MARCHF3: variants seen among roughly 807,000 people sequenced by gnomAD.
MARCHF3 encodes membrane associated ring-CH-type finger 3, also known as E3 ubiquitin-protein ligase MARCHF3.
In MARCHF3, 13 loss-of-function variants were observed where a neutral mutation model predicts 24.2. That is an observed-to-expected ratio of 0.54 (90% CI 0.35 to 0.85). The LOEUF is 0.85. MARCHF3 is among the 40% of genes least tolerant of loss of function. The probability of loss-of-function intolerance (pLI) is 0.01; values close to 1 mark genes in which losing one functional copy is unlikely to be tolerated. For missense variants in MARCHF3, 276 were observed against 325.0 expected, an observed-to-expected ratio of 0.85 and a Z score of 1.16; for synonymous variants, 144 against 137.3, an observed-to-expected ratio of 1.05 and a Z score of -0.34.
In MARCHF3 at chr5:126,927,894, T is replaced by C. The variant is rs77941799; in HGVS notation, c.-56-9667A>G. The stretch of plus-strand genomic sequence containing the variant: ...TGATAGAAACAAAAACAACTTTATA[T>C]TGAGACTGAATTAAATTATTATCCA... On this transcript the variant is annotated intron_variant, in intron 1 of 4. Transcript: ENST00000308660. Among the ~76,000 whole-genome samples, 859 of 152,282 alleles carry C rather than the reference T, an allele frequency of 5.6e-3. 11 individuals carry two copies. Among genetic ancestry groups the C allele is most frequent in the African/African-American group, 0.02 (825 of 41,556 alleles).
intron 3 of MARCHF3, among the ~76,000 whole-genome samples, chr5:126,887,365 TACAA>T (rs1753542233): frequency 6.6e-6 from 1 of 152,258 alleles, no homozygotes; most frequent in South Asian, 2.1e-4. Flanking sequence ...TTGTCACCAG[TACAA>T]ACAGAAATAC....
chr5:126,953,413 T>G (rs1014353787), intron 1 of MARCHF3, among the ~76,000 whole-genome samples: 3 of 152,172 alleles, frequency 2.0e-5, no homozygotes, highest in Non-Finnish European at 2.9e-5. Context: ...TTCTCTCTTT[T>G]GGGTTCCCTG....
rs562872914 is a variant in MARCHF3 at position 126,982,110 on chromosome 5, T to G, written c.-57+48240A>C. Among the ~76,000 whole-genome samples, 10 of 152,312 alleles carry G rather than the reference T, an allele frequency of 6.6e-5. No homozygotes were observed. The South Asian group carries it at 1.7e-3, about 25-fold the overall frequency. ...CAACTCAAAGATCATGAAACCTGGT[T>G]CCGCTGTCCAAACATTTACTTCTGT... On this transcript the variant is annotated intron_variant, in intron 1 of 4. Transcript: ENST00000308660.
intron 1 of MARCHF3, among the ~76,000 whole-genome samples, chr5:126,963,443 A>C (rs1750708160): frequency 6.6e-6 from 1 of 152,200 alleles, no homozygotes; most frequent in East Asian, 1.9e-4. Flanking sequence ...CAACATTTTC[A>C]AGGAGAAAAA....
At chr5:126,950,826 G>A (rs1750206697) in intron 1 of MARCHF3, among the ~76,000 whole-genome samples, 1 of 152,116 alleles carries the variant, frequency 6.6e-6, no homozygotes, top group Non-Finnish European at 1.5e-5. Context: ...TGAAATAGAA[G>A]GCTTTTCCAT....
At chr5:126,977,094 A>G (rs1263158679) in intron 1 of MARCHF3, among the ~76,000 whole-genome samples, 2 of 152,250 alleles carry the variant, frequency 1.3e-5, no homozygotes, top group East Asian at 3.8e-4. Context: ...ACATGACTGA[A>G]GGCAGAGCTC....
intron 1 of MARCHF3, among the ~76,000 whole-genome samples, chr5:126,934,640 T>C (rs1749583500): frequency 6.6e-6 from 1 of 151,356 alleles, no homozygotes; most frequent in Non-Finnish European, 1.5e-5. Flanking sequence ...TAAGTTGGTA[T>C]GGAGAATATT....
chr5:126,869,869 C>CTGGATAATAAATAAAATAA lies in MARCHF3; in HGVS notation c.*763_*764insTTATTTTATTTATTATCCA. ...TGCAATCAGTGGGTTTTGTCTTTCA[C>CTGGATAATAAATAAAATAA]ACACTGGATGTTTATTATTAGAAAA... On this transcript the variant is annotated 3_prime_UTR_variant, in exon 5 of 5. Transcript: ENST00000308660. 6.6e-6 allele frequency: 1 copy of CTGGATAATAAATAAAATAA among 152,442 alleles called. No homozygotes were observed. The allele number at this position is 152,442 out of a possible 1,614,324, so 9.4% of individuals were successfully genotyped here.
At chr5:127,014,053 G>A (rs1398414328) in intron 1 of MARCHF3, among the ~76,000 whole-genome samples, 3 of 152,128 alleles carry the variant, frequency 2.0e-5, no homozygotes, top group South Asian at 2.1e-4. Context: ...AAGTAAATGG[G>A]ATTACATAAA....
chr5:127,021,563 T>C (rs1422567538), intron 1 of MARCHF3, among the ~76,000 whole-genome samples: 1 of 152,200 alleles, frequency 6.6e-6, no homozygotes, highest in South Asian at 2.1e-4. Flanking sequence ...AATGGTGCCT[T>C]AGCTCTTGAA....
intron 1 of MARCHF3, among the ~76,000 whole-genome samples, chr5:126,992,722 A>G (rs1751811466): frequency 6.6e-6 from 1 of 150,910 alleles, no homozygotes; most frequent in African/African-American, 2.4e-5. Context: ...TCAGAAGTCT[A>G]CAAGTCACTG....
At chr5:127,022,081 T>C (rs1752821694) in intron 1 of MARCHF3, among the ~76,000 whole-genome samples, 1 of 152,200 alleles carries the variant, frequency 6.6e-6, no homozygotes, top group South Asian at 2.1e-4. Context: ...TGTTTCTCAA[T>C]GATAGATAAG....
intron 1 of MARCHF3, among the ~76,000 whole-genome samples, chr5:126,989,327 ACT>A (rs1751670383): frequency 4.0e-5 from 6 of 149,330 alleles, no homozygotes; most frequent in East Asian, 2.0e-4. Context: ...TACTACTACT[ACT>A]ACTACTACTA....
At position 127,004,498 on chromosome 5, in the gene MARCHF3, A is replaced by T. The variant is rs542776316; in HGVS notation, c.-57+25852T>A. Among the ~76,000 whole-genome samples the T allele has an allele frequency of 5.3e-5, 8 of 152,168 alleles. No homozygotes were observed. The South Asian group carries it at 1.7e-3, about 32-fold the overall frequency. ...TAGGAATAAATTCAGACTTGGCATG[A>T]ATTTGTTCTACTACCTCATTACATA... On this transcript the variant is annotated intron_variant, in intron 1 of 4. Coordinates refer to ENST00000308660, the MANE Select transcript of MARCHF3 (RefSeq NM_178450.5).
chr5:126,939,507 A>C (rs577329613), intron 1 of MARCHF3, among the ~76,000 whole-genome samples: 1 of 152,280 alleles, frequency 6.6e-6, no homozygotes, highest in Non-Finnish European at 1.5e-5. Context: ...GTATTAGTAC[A>C]TAAAACACAG....
chr5:126,968,712 T>A (rs1354929458), intron 1 of MARCHF3, among the ~76,000 whole-genome samples: 1 of 152,144 alleles, frequency 6.6e-6, no homozygotes, highest in African/African-American at 2.4e-5. Flanking sequence ...GTAGCTGGGA[T>A]TACAGGTGTA....
intron 1 of MARCHF3, among the ~76,000 whole-genome samples, chr5:126,933,676 C>T (rs1749548296): frequency 6.6e-6 from 1 of 152,104 alleles, no homozygotes; most frequent in Admixed American, 6.5e-5. Context: ...GATTTCCTGA[C>T]CTCGTGATTC....
chr5:127,002,156 G>C (rs115279865), intron 1 of MARCHF3, among the ~76,000 whole-genome samples: 178 of 152,312 alleles, frequency 1.2e-3, no homozygotes, highest in African/African-American at 4.0e-3. Context: ...CCACCAGGAA[G>C]ACGTTAACCC....
intron 1 of MARCHF3, among the ~76,000 whole-genome samples, chr5:127,019,768 C>T (rs996243585): frequency 4.6e-5 from 7 of 151,462 alleles, no homozygotes; most frequent in African/African-American, 9.8e-5. Context: ...AGATAATACA[C>T]GTCCTTACTG....
Sources: allele counts gnomAD v4.1 joint callset (sites outside exome capture counted in the v4.1 genomes callset), GRCh38; gene constraint gnomAD v4.1.1; transcripts MANE v1.5; gene names NCBI Gene and HGNC (gene_info 2026-07-23, HGNC 2026-07-21).